The following TNFSF11 variants were observed in gnomAD, a reference collection of about 807,000 sequenced individuals.
TNFSF11 encodes TNF superfamily member 11, also known as tumor necrosis factor ligand superfamily member 11.
A neutral mutation model predicts 32.2 loss-of-function variants in TNFSF11; 12 were observed. That is an observed-to-expected ratio of 0.37 (90% confidence interval 0.24 to 0.60). The LOEUF is 0.60. Among genes scored for constraint, TNFSF11 ranks in the 20% least tolerant of loss-of-function variants. TNFSF11 has a pLI of 0.66. For synonymous variants in TNFSF11, 172 were observed against 152.1 expected, an observed-to-expected ratio of 1.13 and a Z score of -0.96; for missense variants, 345 against 398.0, an observed-to-expected ratio of 0.87 and a Z score of 1.13.
At chr13:42,565,642 T>A (rs1476342753) in intron 1 of TNFSF11, among the ~76,000 whole-genome samples, 1 of 152,312 alleles carries the variant, frequency 6.6e-6, no homozygotes, top group Non-Finnish European at 1.5e-5. Flanking sequence ...ACTAGAACTT[T>A]AAGTGCAAGG....
intron 1 of TNFSF11, 48 bp downstream of exon 1, chr13:42,574,570 C>T (rs1488601290): frequency 3.2e-6 from 5 of 1,581,606 alleles, no homozygotes; most frequent in Admixed American, 1.7e-5. Context: ...CGCCCATCTC[C>T]TTCCCCCGCA....
rs375874527 is a variant in TNFSF11, at chr13:42,594,718, C to T, written c.388-6034C>T. On this transcript the variant is annotated intron_variant, in intron 2 of 4. Coordinates refer to ENST00000398795, the MANE Select transcript of TNFSF11 (RefSeq NM_003701.4). ...CTTAAGTTTGGCAAATATCCTAAAA[C>T]GTTTGAAAAGATGTTTAAAAGATCT... Among the ~76,000 whole-genome samples, 5 of 152,216 alleles carry T rather than the reference C, an allele frequency of 3.3e-5. No homozygotes were observed. The South Asian group carries it at 8.3e-4, about 25-fold the overall frequency.
At chr13:42,576,278 G>C (rs1236028565) in intron 1 of TNFSF11, among the ~76,000 whole-genome samples, 2 of 152,090 alleles carry the variant, frequency 1.3e-5, no homozygotes, top group Non-Finnish European at 2.9e-5. Context: ...TGTGGAAATC[G>C]GTGGCATGGC....
rs1433648543 is a variant in TNFSF11 at position 42,599,393 on chromosome 13, T to C, written c.388-1359T>C. ...CTATCTATCTATCTATCTGTCTATC[T>C]CAAAGCCCTCCTCTCTAGACACTTA... On this transcript the variant is annotated intron_variant, in intron 2 of 4. Coordinates refer to ENST00000398795, the MANE Select transcript of TNFSF11 (RefSeq NM_003701.4). Among the ~76,000 whole-genome samples the C allele has an allele frequency of 2.6e-5, 4 of 152,002 alleles. No homozygotes were observed. The East Asian group carries it at 7.7e-4, about 29-fold the overall frequency.
Position 42,574,498 on chromosome 13 carries a change from C to G in TNFSF11, c.195C>G (p.Ala65=). 1.9e-6 allele frequency: 3 copies of G among 1,609,100 alleles called. No homozygotes were observed. Among genetic ancestry groups the G allele is most frequent in the Non-Finnish European group, 2.5e-6 (3 of 1,179,866 alleles). Residue 65 remains alanine (A), a synonymous_variant, in exon 1 of 5, where the codon GCC becomes GCG. Transcript: ENST00000398795. ...LGLGQVVCSV[A]LFFYFRAQMD... is the part of the protein sequence containing the mutation. Reference sequence around the variant, plus strand: ...TGGGCCAGGTTGTCTGCAGCGTCGCCCTGTTCTTCTATTTCAGAGCGCAGG... The same window carrying G: ...TGGGCCAGGTTGTCTGCAGCGTCGCGCTGTTCTTCTATTTCAGAGCGCAGG...
At chr13:42,599,519 G>A (rs76039761) in intron 2 of TNFSF11, among the ~76,000 whole-genome samples, 4,950 of 152,114 alleles carry the variant, frequency 0.033, 250 homozygotes, top group African/African-American at 0.11. Context: ...TCTCTCCAGA[G>A]TGGTTTTTTT....
rs1869149130 is a variant in TNFSF11 at position 42,601,044 on chromosome 13, T to C, written c.532+63T>C. 4 of 1,573,856 alleles carry C rather than the reference T, an allele frequency of 2.5e-6. No individual in the cohort carries two copies. The South Asian group carries it at 4.4e-5, about 17-fold the overall frequency. The stretch of plus-strand genomic sequence containing the variant: ...AGAGTCATTTATCAGCCCATTTCAA[T>C]ACTGAAACCTATTTTTAGTCTGTCA... On this transcript the variant is annotated intron_variant, in intron 4 of 4. Coordinates refer to ENST00000398795, the MANE Select transcript of TNFSF11 (RefSeq NM_003701.4).
chr13:42,589,583 C>T (rs554828889), intron 2 of TNFSF11, among the ~76,000 whole-genome samples: 149 of 152,316 alleles, frequency 9.8e-4, no homozygotes, highest in Non-Finnish European at 1.4e-3. Flanking sequence ...TCGTTCCAGC[C>T]CCTGCCTCTT....
chr13:42,598,474 A>G (rs1282761693), intron 2 of TNFSF11, among the ~76,000 whole-genome samples: 1 of 152,232 alleles, frequency 6.6e-6, no homozygotes, highest in Non-Finnish European at 1.5e-5. Flanking sequence ...GAACAGAGGA[A>G]GGTCTATTCC....
At chr13:42,595,761 A>G (rs1048513875) in intron 2 of TNFSF11, among the ~76,000 whole-genome samples, 1 of 152,254 alleles carries the variant, frequency 6.6e-6, no homozygotes, top group African/African-American at 2.4e-5. Flanking sequence ...ACATTTTTTA[A>G]AAGATCTCTT....
intron 2 of TNFSF11, among the ~76,000 whole-genome samples, chr13:42,593,906 C>CCTT (rs939157005): frequency 3.9e-5 from 6 of 152,108 alleles, no homozygotes; most frequent in Non-Finnish European, 7.4e-5. Flanking sequence ...TGTACAAATT[C>CCTT]CTTCTTCTGT....
chr13:42,604,370 C>G (rs190377417), intron 4 of TNFSF11, among the ~76,000 whole-genome samples: 93 of 152,236 alleles, frequency 6.1e-4, no homozygotes, highest in Non-Finnish European at 9.3e-4. Flanking sequence ...CTGGGATGAC[C>G]TGAAATAAGA....
At chr13:42,575,481 T>A in intron 1 of TNFSF11, among the ~76,000 whole-genome samples, 1 of 152,212 alleles carries the variant, frequency 6.6e-6, no homozygotes, top group East Asian at 1.9e-4. Flanking sequence ...CTGTGCATTT[T>A]TTTTTATGGG....
intron 1 of TNFSF11, among the ~76,000 whole-genome samples, chr13:42,576,961 G>C (rs1873348475): frequency 6.6e-6 from 1 of 152,210 alleles, no homozygotes; most frequent in Non-Finnish European, 1.5e-5. Flanking sequence ...TCTTAGCTAA[G>C]AGAATAGTCT....
chr13:42,569,305 T>C (rs1405211629), upstream of TNFSF11, among the ~76,000 whole-genome samples: 3 of 152,182 alleles, frequency 2.0e-5, no homozygotes, highest in East Asian at 3.9e-4. Flanking sequence ...TCCCAGCACT[T>C]TGTGAGGCCG....
chr13:42,595,263 T>G (rs1046772262), intron 2 of TNFSF11, among the ~76,000 whole-genome samples: 10 of 152,202 alleles, frequency 6.6e-5, no homozygotes, highest in Admixed American at 1.3e-4. Flanking sequence ...CCTTTTTTTG[T>G]CTTGTTTTGA....
chr13:42,574,263 G>T lies in TNFSF11; in HGVS notation c.-41G>T, dbSNP rs201748497. On this transcript the variant is annotated 5_prime_UTR_variant, in exon 1 of 5. Coordinates refer to ENST00000398795, the MANE Select transcript of TNFSF11 (RefSeq NM_003701.4). ...GCCGCAGACAAGAAGGGGAGGGAGC[G>T]GGAGAGGGAGGAGAGCTCCGAAGCG... 6.5e-7 allele frequency: 1 copy of T among 1,542,824 alleles called. No homozygotes were observed.
chr13:42,605,065 G>C (rs756473151), intron 4 of TNFSF11, among the ~76,000 whole-genome samples: 65 of 152,100 alleles, frequency 4.3e-4, no homozygotes, highest in Non-Finnish European at 7.8e-4. Flanking sequence ...TTACAGGCGT[G>C]AGCCACCGTG....
chr13:42,577,686 C>G (rs1367901413), intron 1 of TNFSF11, among the ~76,000 whole-genome samples: 3 of 152,146 alleles, frequency 2.0e-5, no homozygotes, highest in Non-Finnish European at 4.4e-5. Flanking sequence ...ACAAACCAAC[C>G]TCCCTGGTTG....
Sources: gnomAD v4.1 joint callset for allele counts (sites outside exome capture counted in the v4.1 genomes callset) on GRCh38, gnomAD v4.1.1 for gene constraint, MANE v1.5 for transcripts, NCBI Gene and HGNC (gene_info 2026-07-23, HGNC 2026-07-21) for gene names.